Variants in KCNT2 observed in about 807,000 individuals in gnomAD.
KCNT2 encodes potassium channel subfamily T member 2.
KCNT2 carries 67 observed loss-of-function variants against 153.8 expected under a neutral mutation model. The ratio of observed to expected loss-of-function variants is 0.44; its 90% CI spans 0.36 to 0.53. The LOEUF is 0.53. Among genes scored for constraint, KCNT2 ranks in the 20% least tolerant of loss-of-function variants. The pLI is 0.00. For missense variants in KCNT2, 975 were observed against 1,354.8 expected (o/e 0.72, Z 4.40); for synonymous variants, 500 against 458.8 (o/e 1.09, Z -1.15).
intron 26 of KCNT2, among the ~76,000 whole-genome samples, chr1:196,244,695 A>T (rs1655270884): frequency 6.6e-6 from 1 of 152,138 alleles, no homozygotes; most frequent in Non-Finnish European, 1.5e-5. Context: ...ATAGGGAAAC[A>T]GTTAGAGTCC....
At chr1:196,541,169 A>C (rs1656312236) in intron 1 of KCNT2, among the ~76,000 whole-genome samples, 1 of 151,822 alleles carries the variant, frequency 6.6e-6, no homozygotes, top group Non-Finnish European at 1.5e-5. Context: ...TCTAATTATC[A>C]CTCCAAAATT....
chr1:196,298,058 C>T (rs907975000), intron 22 of KCNT2, among the ~76,000 whole-genome samples: 2 of 152,120 alleles, frequency 1.3e-5, no homozygotes, highest in Admixed American at 1.3e-4. Context: ...CCATATTTCT[C>T]CCAGAAGATA....
intron 13 of KCNT2, among the ~76,000 whole-genome samples, chr1:196,398,352 T>TA (rs1671124838): frequency 1.3e-5 from 2 of 151,600 alleles, no homozygotes; most frequent in South Asian, 2.1e-4. Context: ...CCAAGTTATA[T>TA]AAAAAAATTA....
At chr1:196,520,337 A>G (rs1572709086) in intron 1 of KCNT2, among the ~76,000 whole-genome samples, 1 of 152,124 alleles carries the variant, frequency 6.6e-6, no homozygotes, top group African/African-American at 2.4e-5. Flanking sequence ...TGACAAGCTC[A>G]CAGCCAATAT....
intron 6 of KCNT2, among the ~76,000 whole-genome samples, chr1:196,468,183 G>A (rs771349864): frequency 4.8e-4 from 73 of 151,944 alleles, no homozygotes; most frequent in Non-Finnish European, 1.0e-3. Context: ...CTCTCTTTAT[G>A]TTAAACCACT....
At chr1:196,511,116 A>AACACACACACAC (rs35177032) in intron 1 of KCNT2, among the ~76,000 whole-genome samples, 31 of 146,572 alleles carry the variant, frequency 2.1e-4, no homozygotes, top group African/African-American at 7.4e-4. Context: ...AAACACACAC[A>AACACACACACAC]ACACACACAC....
At chr1:196,545,276 T>C (rs1656928109) in intron 1 of KCNT2, among the ~76,000 whole-genome samples, 1 of 152,092 alleles carries the variant, frequency 6.6e-6, no homozygotes, top group South Asian at 2.1e-4. Flanking sequence ...AGTTATAACA[T>C]AATTATAAAA....
intron 5 of KCNT2, among the ~76,000 whole-genome samples, chr1:196,472,976 G>C (rs1678226638): frequency 6.6e-6 from 1 of 152,122 alleles, no homozygotes; most frequent in African/African-American, 2.4e-5. Flanking sequence ...ACAAAAATGT[G>C]ATTATATCAT....
chr1:196,523,570 G>C (rs571649235), intron 1 of KCNT2, among the ~76,000 whole-genome samples: 1 of 152,148 alleles, frequency 6.6e-6, no homozygotes, highest in African/African-American at 2.4e-5. Flanking sequence ...ATGGTGGCAA[G>C]ATGTCTGCAA....
chr1:196,533,261 T>C (rs559857043), intron 1 of KCNT2, among the ~76,000 whole-genome samples: 18 of 152,178 alleles, frequency 1.2e-4, no homozygotes, highest in Admixed American at 1.0e-3. Context: ...TCTCTTCCAA[T>C]ATGCAATAAT....
At chr1:196,568,644 G>A (rs1208371856) in intron 1 of KCNT2, among the ~76,000 whole-genome samples, 2 of 151,726 alleles carry the variant, frequency 1.3e-5, no homozygotes, top group Admixed American at 6.6e-5. Flanking sequence ...GATCTGACAG[G>A]AGGCGGAGCT....
chr1:196,484,041 C>T (rs1679220288), intron 3 of KCNT2, among the ~76,000 whole-genome samples: 1 of 152,086 alleles, frequency 6.6e-6, no homozygotes, highest in Admixed American at 6.6e-5. Context: ...GGGATAGATG[C>T]CCAGTTTTGT....
chr1:196,279,667 A>T (rs868800662), intron 25 of KCNT2, among the ~76,000 whole-genome samples: 1 of 151,170 alleles, frequency 6.6e-6, no homozygotes, highest in African/African-American at 2.4e-5. Context: ...TGACCTTGTG[A>T]TCTACCTGCC....
At chr1:196,526,309 A>G (rs1654198340) in intron 1 of KCNT2, among the ~76,000 whole-genome samples, 2 of 150,988 alleles carry the variant, frequency 1.3e-5, no homozygotes, top group Admixed American at 1.3e-4. Context: ...TATAATATAT[A>G]AATCATATAA....
chr1:196,243,518 G>A (rs1655146553), intron 26 of KCNT2, among the ~76,000 whole-genome samples: 3 of 152,140 alleles, frequency 2.0e-5, no homozygotes, highest in Non-Finnish European at 2.9e-5. Flanking sequence ...ATGGTGCAGG[G>A]AGTCTGTGCA....
At position 196,285,752 on chromosome 1, in the gene KCNT2, G is replaced by T. The variant is rs1246360892; in HGVS notation, c.2602C>A (p.Arg868=). The change falls in exon 23 of 28, where the codon CGG becomes AGG. Residue 868 remains arginine (R), a synonymous_variant. Coordinates refer to ENST00000294725, the MANE Select transcript of KCNT2 (RefSeq NM_198503.5). ...LALSKLEKKE[R]ERGSNLAFMF... ...AAGGCCAAGTTAGAGCCTCTCTCCC[G>T]TTCTTTCTGTTCAGAAATTTGAGAT... The T allele has an allele frequency of 6.3e-7, 1 of 1,597,536 alleles. No homozygotes were observed. Among genetic ancestry groups the T allele is most frequent in the Admixed American group, 1.7e-5 (1 of 59,550 alleles).
intron 8 of KCNT2, among the ~76,000 whole-genome samples, chr1:196,444,323 C>T (rs1675501462): frequency 6.6e-6 from 1 of 151,420 alleles, no homozygotes; most frequent in South Asian, 2.1e-4. Context: ...ACTCCCTTCC[C>T]AGTAATACAA....
At position 196,339,522 on chromosome 1, in the gene KCNT2, G is replaced by C. The variant is rs6697291; in HGVS notation, c.1783+819C>G. 0.015 allele frequency among the ~76,000 whole-genome samples: 595 copies of C among 39,788 alleles called. 2 individuals are homozygous for C. The East Asian group carries it at 0.24, about 16-fold the overall frequency. 26.1% of individuals were successfully genotyped at this position (39,788 alleles called of 152,430 possible). On this transcript the variant is annotated intron_variant, in intron 16 of 27. Transcript: ENST00000294725. ...ATATGAAGAGACACACACACACACA[G>C]AGAGAGAGAGAGAGAGAGAGAGAGA... is the stretch of plus-strand genomic sequence containing the variant.
At chr1:196,354,312 T>C in intron 14 of KCNT2, among the ~76,000 whole-genome samples, 1 of 151,806 alleles carries the variant, frequency 6.6e-6, no homozygotes, top group African/African-American at 2.4e-5. Flanking sequence ...CATTTTGTTC[T>C]CTTTGATCCT....
Sources: gnomAD v4.1 joint callset for allele counts (sites outside exome capture counted in the v4.1 genomes callset) on GRCh38, gnomAD v4.1.1 for gene constraint, MANE v1.5 for transcripts, NCBI Gene and HGNC (gene_info 2026-07-23, HGNC 2026-07-21) for gene names.